HTR1F: variants seen among roughly 807,000 people sequenced by gnomAD.
The protein encoded by HTR1F is 5-hydroxytryptamine (serotonin) receptor 1F, G protein-coupled.
In HTR1F, 17 loss-of-function variants were observed where a neutral mutation model predicts 24.0. The observed-to-expected ratio is 0.71, with a 90% CI of 0.48 to 1.06. The LOEUF is 1.06. HTR1F is among the 50% of genes least tolerant of loss of function. The pLI is 0.00. For synonymous variants in HTR1F, 186 were observed against 156.8 expected (o/e 1.19, Z -1.39); for missense variants, 391 against 427.8 (o/e 0.91, Z 0.76).
chr3:87,989,351 C>G (rs1705765488), intron 2 of HTR1F, among the ~76,000 whole-genome samples: 1 of 152,164 alleles, frequency 6.6e-6, no homozygotes, highest in Non-Finnish European at 1.5e-5. Flanking sequence ...GCTGTCCTTA[C>G]TAGTAAGTTT....
chr3:87,986,612 C>T (rs1705666922), intron 2 of HTR1F, among the ~76,000 whole-genome samples: 1 of 152,154 alleles, frequency 6.6e-6, no homozygotes, highest in African/African-American at 2.4e-5. Context: ...ACATAATTAA[C>T]TTTTATTATG....
At chr3:87,853,853 G>A (rs574699665) in intron 2 of HTR1F, among the ~76,000 whole-genome samples, 6 of 151,960 alleles carry the variant, frequency 3.9e-5, no homozygotes, top group Non-Finnish European at 7.4e-5. Flanking sequence ...TTGGCCACAC[G>A]TATGCTTCTT....
intron 2 of HTR1F, among the ~76,000 whole-genome samples, chr3:87,843,612 C>G (rs1426948674): frequency 6.6e-6 from 1 of 150,478 alleles, no homozygotes; most frequent in East Asian, 2.0e-4. Flanking sequence ...ATGTGCCATG[C>G]TGGTGTGCTG....
At chr3:87,803,355 T>G (rs978984997) in intron 1 of HTR1F, among the ~76,000 whole-genome samples, 1 of 152,142 alleles carries the variant, frequency 6.6e-6, no homozygotes, top group African/African-American at 2.4e-5. Flanking sequence ...CAAACTTCCT[T>G]TCTACATATA....
intron 2 of HTR1F, among the ~76,000 whole-genome samples, chr3:87,912,846 CCCTATTCA>C (rs1703810109): frequency 6.6e-6 from 1 of 152,022 alleles, no homozygotes; most frequent in Non-Finnish European, 1.5e-5. Flanking sequence ...GGAAAGGACT[CCCTATTCA>C]ATAAATTGTG....
intron 2 of HTR1F, among the ~76,000 whole-genome samples, chr3:87,931,060 T>C (rs1270794): frequency 6.7e-6 from 1 of 149,466 alleles, no homozygotes; most frequent in Non-Finnish European, 1.5e-5. Flanking sequence ...TTTTTTATTG[T>C]TATTATTATA....
At chr3:87,869,426 T>C (rs1394234768) in intron 2 of HTR1F, among the ~76,000 whole-genome samples, 1 of 140,442 alleles carries the variant, frequency 7.1e-6, no homozygotes, top group Admixed American at 7.1e-5. Context: ...GATAGATAGA[T>C]AGATAGATAC....
chr3:87,878,358 A>G, intron 2 of HTR1F, among the ~76,000 whole-genome samples: 1 of 151,864 alleles, frequency 6.6e-6, no homozygotes, highest in Non-Finnish European at 1.5e-5. Flanking sequence ...TAGACCCAGG[A>G]AGTAAATGCT....
chr3:87,936,645 A>C (rs1158482523), intron 2 of HTR1F, among the ~76,000 whole-genome samples: 1 of 152,208 alleles, frequency 6.6e-6, no homozygotes, highest in African/African-American at 2.4e-5. Flanking sequence ...ATAAAATAAG[A>C]GCTAGAGTGA....
intron 2 of HTR1F, among the ~76,000 whole-genome samples, chr3:87,929,499 G>A (rs1331931432): frequency 6.6e-6 from 1 of 152,144 alleles, no homozygotes; most frequent in Non-Finnish European, 1.5e-5. Context: ...ATAATTTATA[G>A]ATTCAAGTTT....
chr3:87,832,252 A>ATTAATTATAT (rs1354321709), intron 2 of HTR1F, among the ~76,000 whole-genome samples: 1 of 152,000 alleles, frequency 6.6e-6, no homozygotes, highest in African/African-American at 2.4e-5. Flanking sequence ...AGTAGAAATA[A>ATTAATTATAT]TTAATTATAT....
At chr3:87,943,324 A>C (rs917463359) in intron 2 of HTR1F, among the ~76,000 whole-genome samples, 4 of 152,242 alleles carry the variant, frequency 2.6e-5, no homozygotes, top group African/African-American at 9.6e-5. Context: ...TCTCCATGTC[A>C]GATCAAAGGA....
Position 87,990,690 on chromosome 3 carries a change from T to C in HTR1F, c.-42-18T>C, listed in dbSNP as rs1197325482. Reference sequence around the variant, plus strand: ...TTGAAGCCTTCTCTGAACTGTTTTTTCTCTTCCCTTGTTACAGGTATCCAT... The same window carrying C: ...TTGAAGCCTTCTCTGAACTGTTTTTCCTCTTCCCTTGTTACAGGTATCCAT... On this transcript the variant is annotated intron_variant, in intron 2 of 2. Coordinates refer to ENST00000319595, the MANE Select transcript of HTR1F (RefSeq NM_001322209.2). The C allele has an allele frequency of 7.5e-7, 1 of 1,324,878 alleles. No homozygotes were observed. Among genetic ancestry groups the C allele is most frequent in the Admixed American group, 2.0e-5 (1 of 49,260 alleles). 82.1% of individuals were successfully genotyped at this position (1,324,878 alleles called of 1,614,324 possible).
At chr3:87,796,679 A>G (rs1260307988) in intron 1 of HTR1F, among the ~76,000 whole-genome samples, 1 of 152,152 alleles carries the variant, frequency 6.6e-6, no homozygotes, top group Non-Finnish European at 1.5e-5. Flanking sequence ...TTTTTAAGAA[A>G]AAAGGAAGTG....
chr3:87,819,075 G>A (rs900668400), intron 1 of HTR1F, among the ~76,000 whole-genome samples: 2 of 152,144 alleles, frequency 1.3e-5, no homozygotes, highest in Admixed American at 1.3e-4. Context: ...GTTTTTCACT[G>A]TGAAACACAG....
At chr3:87,835,888 G>T (rs1020863067) in intron 2 of HTR1F, among the ~76,000 whole-genome samples, 1 of 152,096 alleles carries the variant, frequency 6.6e-6, no homozygotes, top group South Asian at 2.1e-4. Flanking sequence ...AAGCAAATGA[G>T]GAACTTTTGT....
intron 1 of HTR1F, among the ~76,000 whole-genome samples, chr3:87,800,942 T>C (rs1018911024): frequency 5.9e-5 from 9 of 152,230 alleles, no homozygotes; most frequent in Admixed American, 3.3e-4. Context: ...CTATTTCTCT[T>C]ATTTAACAAA....
chr3:87,832,701 A>T, intron 2 of HTR1F, among the ~76,000 whole-genome samples: 1 of 152,110 alleles, frequency 6.6e-6, no homozygotes, highest in East Asian at 1.9e-4. Flanking sequence ...ACAGACCAAA[A>T]CTTTGGCCTC....
At chr3:87,813,465 G>A (rs1471779627) in intron 1 of HTR1F, among the ~76,000 whole-genome samples, 1 of 152,202 alleles carries the variant, frequency 6.6e-6, no homozygotes, top group Non-Finnish European at 1.5e-5. Flanking sequence ...ATAGGTAGAA[G>A]AGACTTGCCT....
Sources: allele counts gnomAD v4.1 joint callset (sites outside exome capture counted in the v4.1 genomes callset), GRCh38; gene constraint gnomAD v4.1.1; transcripts MANE v1.5; gene names NCBI Gene and HGNC (gene_info 2026-07-23, HGNC 2026-07-21).